Variants in GABRG1 observed in about 807,000 individuals in gnomAD.
The protein encoded by GABRG1 is gamma-aminobutyric acid type A receptor subunit gamma1, also known as gamma-aminobutyric acid receptor subunit gamma-1.
In GABRG1, 49 loss-of-function variants were observed where a neutral mutation model predicts 49.8. That is an observed-to-expected ratio of 0.98 (90% CI 0.78 to 1.25). The LOEUF is 1.25. Ranked by LOEUF, GABRG1 falls within the 50% of genes most tolerant of loss-of-function variation. The pLI is 0.00. For missense variants in GABRG1, 552 were observed against 552.3 expected (o/e 1.00, Z 0.01); for synonymous variants, 232 against 185.1 (o/e 1.25, Z -2.06).
At chr4:46,048,777 C>G (rs191375981) in intron 8 of GABRG1, among the ~76,000 whole-genome samples, 2 of 151,674 alleles carry the variant, frequency 1.3e-5, no homozygotes, top group African/African-American at 2.4e-5. Flanking sequence ...TGAGAGAGAG[C>G]AAGCAAGCTG....
chr4:46,036,888 C>T lies in GABRG1; in HGVS notation c.*4100G>A, dbSNP rs142327229. The T allele has an allele frequency of 6.6e-5, 10 of 152,010 alleles. No homozygotes were observed. The highest frequency in any genetic ancestry group is 1.9e-4 in the East Asian group (1 of 5,174). 9.4% of individuals were successfully genotyped at this position (152,010 alleles called of 1,614,324 possible). On this transcript the variant is annotated 3_prime_UTR_variant, in exon 9 of 9. Coordinates refer to ENST00000295452, the MANE Select transcript of GABRG1 (RefSeq NM_173536.4). ...TCCTGAAGTCCACATTCGTACTTCT[C>T]AGTTTATTGTTCTAACCTAACCTTT...
intron 2 of GABRG1, among the ~76,000 whole-genome samples, chr4:46,085,037 T>G (rs1225531804): frequency 6.6e-6 from 1 of 151,604 alleles, no homozygotes; most frequent in African/African-American, 2.4e-5. Context: ...TTACCACTTA[T>G]AAGTAGTTAT....
intron 3 of GABRG1, among the ~76,000 whole-genome samples, chr4:46,066,849 A>G (rs1422586755): frequency 6.6e-6 from 1 of 151,100 alleles, no homozygotes; most frequent in African/African-American, 2.4e-5. Context: ...TATATTATAT[A>G]TATGTACTAT....
At chr4:46,105,448 T>C (rs1720504111) in intron 1 of GABRG1, among the ~76,000 whole-genome samples, 1 of 151,478 alleles carries the variant, frequency 6.6e-6, no homozygotes, top group African/African-American at 2.4e-5. Context: ...TGAATAGCCC[T>C]ATAACTTCAT....
At chr4:46,113,243 G>T (rs1355179117) in intron 1 of GABRG1, among the ~76,000 whole-genome samples, 2 of 151,084 alleles carry the variant, frequency 1.3e-5, no homozygotes, top group Admixed American at 6.6e-5. Flanking sequence ...TTGACTCACA[G>T]TTCAGTATAA....
chr4:46,078,022 T>C (rs1196400466), intron 3 of GABRG1, among the ~76,000 whole-genome samples: 1 of 151,644 alleles, frequency 6.6e-6, no homozygotes, highest in Non-Finnish European at 1.5e-5. Flanking sequence ...GAATCAAAAG[T>C]AACTAAATTT....
intron 3 of GABRG1, among the ~76,000 whole-genome samples, chr4:46,067,623 C>A (rs1436067819): frequency 6.6e-6 from 1 of 151,904 alleles, no homozygotes; most frequent in Admixed American, 6.6e-5. Flanking sequence ...TTATTTTTTG[C>A]AACTTAATAT....
chr4:46,101,086 C>T (rs1349087362), intron 1 of GABRG1, among the ~76,000 whole-genome samples: 1 of 151,252 alleles, frequency 6.6e-6, no homozygotes, highest in Non-Finnish European at 1.5e-5. Flanking sequence ...ATTTTTGTAG[C>T]AGTTACATGT....
At position 46,065,593 on chromosome 4, in the gene GABRG1, T is replaced by A; in HGVS notation, c.322-9A>T. The A allele has an allele frequency of 8.4e-7, 1 of 1,193,184 alleles. No individual in the cohort carries two copies. Among genetic ancestry groups the A allele is most frequent in the Non-Finnish European group, 1.2e-6 (1 of 814,522 alleles). 73.9% of individuals were successfully genotyped at this position (1,193,184 alleles called of 1,614,324 possible). A position where few individuals can be genotyped will look rare whatever the true frequency, so the allele number is the denominator to read the frequency against. On this transcript the variant is annotated splice_polypyrimidine_tract_variant and intron_variant, in intron 3 of 8. Transcript: ENST00000295452. ...ATATCTATTGTATATTCCTAAAATA[T>A]AAGAAGAGTAACAACATATTAGTAA...
chr4:46,081,405 T>C (rs967816152), intron 3 of GABRG1, among the ~76,000 whole-genome samples: 10 of 151,868 alleles, frequency 6.6e-5, no homozygotes. Flanking sequence ...ATGTCACTTA[T>C]GGCATGGCTA....
At chr4:46,093,179 T>A (rs1173918682) in intron 2 of GABRG1, among the ~76,000 whole-genome samples, 1 of 151,704 alleles carries the variant, frequency 6.6e-6, no homozygotes, top group East Asian at 1.9e-4. Flanking sequence ...ACCAGAAAGA[T>A]TGTTTCCTAA....
chr4:46,101,827 T>A (rs1301909211), intron 1 of GABRG1, among the ~76,000 whole-genome samples: 4 of 151,724 alleles, frequency 2.6e-5, no homozygotes. Context: ...ATTATTTTCA[T>A]AATTTAATAT....
intron 3 of GABRG1, 63 bp downstream of exon 3, chr4:46,083,923 T>A (rs1719662609): frequency 2.3e-6 from 2 of 865,520 alleles, no homozygotes; most frequent in Non-Finnish European, 3.7e-6. Flanking sequence ...ATGCGAATTC[T>A]ATTTTGGAGG....
intron 5 of GABRG1, among the ~76,000 whole-genome samples, chr4:46,059,572 T>C (rs1400891148): frequency 6.6e-6 from 1 of 151,786 alleles, no homozygotes; most frequent in African/African-American, 2.4e-5. Flanking sequence ...TTTTTTTAAT[T>C]TTCTTTTTAT....
intron 2 of GABRG1, among the ~76,000 whole-genome samples, chr4:46,090,621 T>C (rs1023821080): frequency 1.3e-5 from 2 of 152,060 alleles, no homozygotes; most frequent in African/African-American, 4.8e-5. Context: ...TGTGGTTTAA[T>C]TGATATCAAA....
At chr4:46,093,601 A>G (rs1232012221) in intron 2 of GABRG1, among the ~76,000 whole-genome samples, 7 of 151,980 alleles carry the variant, frequency 4.6e-5, no homozygotes, top group African/African-American at 1.7e-4. Flanking sequence ...GTATAACTGG[A>G]ATGTTCATAC....
intron 3 of GABRG1, among the ~76,000 whole-genome samples, chr4:46,075,613 G>C (rs963960725): frequency 6.6e-6 from 1 of 151,878 alleles, no homozygotes; most frequent in African/African-American, 2.4e-5. Context: ...TCTATCATTT[G>C]GGGTTATGAA....
At chr4:46,119,642 T>C (rs978741910) in intron 1 of GABRG1, among the ~76,000 whole-genome samples, 21 of 151,576 alleles carry the variant, frequency 1.4e-4, no homozygotes, top group Non-Finnish European at 2.8e-4. Context: ...GAGAAATCTC[T>C]TGGCTCTTTA....
rs1374764859 is a variant in GABRG1, at chr4:46,065,525, A to G, written c.381T>C (p.Asn127=). The change falls in exon 4 of 9, where the codon AAT becomes AAC. Residue 127 remains asparagine, a synonymous_variant. Transcript: ENST00000295452. ...TAAGCATAAGCACTTTCATGGTACT[A>G]TTGAATTTTAAACGACTGTCAAACC... ...QTWFDSRLKF[N]STMKVLMLNS... The G allele has an allele frequency of 1.2e-6, 2 of 1,602,758 alleles. No homozygotes were observed. Among genetic ancestry groups the G allele is most frequent in the East Asian group, 2.2e-5 (1 of 44,532 alleles).
Sources: allele counts gnomAD v4.1 joint callset (sites outside exome capture counted in the v4.1 genomes callset), GRCh38; gene constraint gnomAD v4.1.1; transcripts MANE v1.5; gene names NCBI Gene and HGNC (gene_info 2026-07-23, HGNC 2026-07-21).